The following RSPO2 variants were observed in gnomAD, a reference collection of about 807,000 sequenced individuals.
RSPO2 encodes the protein R-spondin 2.
In RSPO2, 14 loss-of-function variants were observed where a neutral mutation model predicts 30.9. The ratio of observed to expected loss-of-function variants is 0.45; its 90% CI spans 0.30 to 0.71. The LOEUF is 0.71. Among genes scored for constraint, RSPO2 ranks in the 30% least tolerant of loss-of-function variants. The pLI is 0.08. For synonymous variants in RSPO2, 107 were observed against 96.4 expected (o/e 1.11, Z -0.64); for missense variants, 264 against 301.9 (o/e 0.87, Z 0.93).
At chr8:107,927,739 G>A (rs1287488737) in intron 5 of RSPO2, among the ~76,000 whole-genome samples, 2 of 152,150 alleles carry the variant, frequency 1.3e-5, no homozygotes, top group Non-Finnish European at 2.9e-5. Context: ...GCATCCCAGG[G>A]ATGAATCCCA....
rs187693121 is a variant in RSPO2, at chr8:107,912,710, C to T, written c.617-11520G>A. Among the ~76,000 whole-genome samples, 51 of 152,208 alleles carry T rather than the reference C, an allele frequency of 3.4e-4. 1 individual carries two copies. In the East Asian group the frequency reaches 9.7e-3, roughly 29 times the overall value. On this transcript the variant is annotated intron_variant, in intron 5 of 5. Coordinates refer to ENST00000276659, the MANE Select transcript of RSPO2 (RefSeq NM_178565.5). Reference sequence around the variant, plus strand: ...TTGATAATCAAGTTTGGGGCTTCTGCCTAACTAAGGGATGCAGAGTTGGCA... The same window carrying T: ...TTGATAATCAAGTTTGGGGCTTCTGTCTAACTAAGGGATGCAGAGTTGGCA...
chr8:108,031,622 T>C (rs995722743), intron 2 of RSPO2, among the ~76,000 whole-genome samples: 12 of 152,172 alleles, frequency 7.9e-5, no homozygotes, highest in Non-Finnish European at 1.3e-4. Flanking sequence ...ACACTGAACA[T>C]TTAATATCAA....
At chr8:107,955,933 G>A (rs919805562) in intron 5 of RSPO2, among the ~76,000 whole-genome samples, 2 of 152,190 alleles carry the variant, frequency 1.3e-5, no homozygotes, top group African/African-American at 2.4e-5. Context: ...TGCATGGTTT[G>A]TCAAAGCAGA....
In RSPO2 at chr8:108,079,712, A is replaced by G. The variant is rs1281552908; in HGVS notation, c.94+2833T>C. The stretch of plus-strand genomic sequence containing the variant: ...GATGGAATATGGAAAAAAAAAAAAA[A>G]GAATCAGGTCCCAGGGGTAAGCCTA... On this transcript the variant is annotated intron_variant, in intron 2 of 5. Transcript: ENST00000276659. Among the ~76,000 whole-genome samples the G allele has an allele frequency of 2.0e-5, 3 of 152,122 alleles. No homozygotes were observed. In the East Asian group the frequency reaches 5.8e-4, roughly 29 times the overall value.
intron 2 of RSPO2, among the ~76,000 whole-genome samples, chr8:108,030,161 A>G (rs1481337984): frequency 1.4e-5 from 2 of 144,326 alleles, no homozygotes; most frequent in Non-Finnish European, 3.0e-5. Context: ...ATATGATGTT[A>G]GCCAGGCCCT....
At chr8:108,061,192 C>T (rs970281607) in intron 2 of RSPO2, among the ~76,000 whole-genome samples, 3 of 151,680 alleles carry the variant, frequency 2.0e-5, no homozygotes, top group African/African-American at 4.9e-5. Flanking sequence ...CAATATTAAC[C>T]TTAAATGTAA....
intron 2 of RSPO2, among the ~76,000 whole-genome samples, chr8:108,026,046 A>G (rs894773218): frequency 5.9e-5 from 9 of 152,214 alleles, no homozygotes; most frequent in Non-Finnish European, 7.3e-5. Flanking sequence ...AAACCTTAAC[A>G]TAGTGATCAA....
intron 5 of RSPO2, among the ~76,000 whole-genome samples, chr8:107,950,752 T>TAAA (rs10599629): frequency 3.5e-4 from 50 of 142,098 alleles, no homozygotes; most frequent in African/African-American, 9.6e-4. Flanking sequence ...TAATTAATGG[T>TAAA]AAAAAAAAAA....
intron 3 of RSPO2, among the ~76,000 whole-genome samples, chr8:107,974,564 T>C (rs926180077): frequency 6.6e-6 from 1 of 151,950 alleles, no homozygotes; most frequent in Non-Finnish European, 1.5e-5. Flanking sequence ...TTGACACCAG[T>C]GCAATATCAG....
At chr8:108,001,149 G>A (rs1378041892) in intron 2 of RSPO2, among the ~76,000 whole-genome samples, 3 of 151,984 alleles carry the variant, frequency 2.0e-5, no homozygotes, top group African/African-American at 4.8e-5. Flanking sequence ...CCAAGATCGC[G>A]CCCCTGCACT....
At chr8:108,011,167 AAGAAAAAGAAAAAG>A (rs1810696635) in intron 2 of RSPO2, among the ~76,000 whole-genome samples, 1 of 146,724 alleles carries the variant, frequency 6.8e-6, no homozygotes, top group Non-Finnish European at 1.5e-5. Context: ...AAAGAAAGAA[AAGAAAAAGAAAAAG>A]GAAAAGGAAA....
At chr8:108,073,132 T>C (rs1467438940) in intron 2 of RSPO2, 1 of 152,186 alleles carries the variant, frequency 6.6e-6, no homozygotes, top group Non-Finnish European at 1.5e-5. Flanking sequence ...AAAAGGAGAT[T>C]AGCGATCAAA....
At chr8:107,909,899 A>C (rs1811768261) in intron 5 of RSPO2, among the ~76,000 whole-genome samples, 1 of 152,176 alleles carries the variant, frequency 6.6e-6, no homozygotes. Context: ...ATCCATTTTC[A>C]TTTAATTGAA....
At chr8:108,055,099 T>A (rs1489182766) in intron 2 of RSPO2, among the ~76,000 whole-genome samples, 1 of 151,946 alleles carries the variant, frequency 6.6e-6, no homozygotes, top group East Asian at 1.9e-4. Flanking sequence ...CCAGCCTGGG[T>A]GACAGAGCAA....
chr8:107,980,839 CTG>C (rs1048305097), intron 3 of RSPO2, among the ~76,000 whole-genome samples: 1 of 152,202 alleles, frequency 6.6e-6, no homozygotes, highest in African/African-American at 2.4e-5. Context: ...CCTTCTATAA[CTG>C]TGCAAAATAC....
At chr8:108,063,381 C>T (rs1038456288) in intron 2 of RSPO2, among the ~76,000 whole-genome samples, 23 of 151,892 alleles carry the variant, frequency 1.5e-4, no homozygotes, top group African/African-American at 5.3e-4. Context: ...TTCTTATACA[C>T]CAATAACAGA....
At chr8:107,985,439 A>G (rs371282069) in intron 3 of RSPO2, among the ~76,000 whole-genome samples, 1 of 152,204 alleles carries the variant, frequency 6.6e-6, no homozygotes, top group African/African-American at 2.4e-5. Flanking sequence ...ATAACCATTC[A>G]GTAGAATATT....
chr8:108,025,068 A>T (rs1407024901), intron 2 of RSPO2, among the ~76,000 whole-genome samples: 3 of 152,194 alleles, frequency 2.0e-5, no homozygotes, highest in Admixed American at 2.0e-4. Flanking sequence ...TAAAAGCAGA[A>T]ACAAATTTAT....
At position 107,978,215 on chromosome 8, in the gene RSPO2, G is replaced by A. The variant is rs1701647824; in HGVS notation, c.283+10841C>T. On this transcript the variant is annotated intron_variant, in intron 3 of 5. Transcript: ENST00000276659. ...AGCCGAGGCGGGCAGATCACCCCAGGTCAGGAGTTTGAGACCAGCCTGGCC... is the reference window on the plus strand; with the variant it reads ...AGCCGAGGCGGGCAGATCACCCCAGATCAGGAGTTTGAGACCAGCCTGGCC... Among the ~76,000 whole-genome samples, 3 of 152,196 alleles carry A rather than the reference G, an allele frequency of 2.0e-5. No individual in the cohort carries two copies. In the South Asian group the frequency reaches 6.2e-4, roughly 32 times the overall value.
Sources: gnomAD v4.1 joint callset for allele counts (sites outside exome capture counted in the v4.1 genomes callset) on GRCh38, gnomAD v4.1.1 for gene constraint, MANE v1.5 for transcripts, NCBI Gene and HGNC (gene_info 2026-07-23, HGNC 2026-07-21) for gene names.